DPP10: variants seen among roughly 807,000 people sequenced by gnomAD.
DPP10 encodes the protein dipeptidyl peptidase like 10, also known as inactive dipeptidyl peptidase 10.
DPP10 carries 33 observed loss-of-function variants against 120.9 expected under a neutral mutation model. The ratio of observed to expected loss-of-function variants is 0.27; its 90% CI spans 0.21 to 0.37. The LOEUF (loss-of-function observed/expected upper bound fraction) is 0.37. DPP10 is among the 10% of genes least tolerant of loss of function. The pLI, the probability that DPP10 is intolerant of heterozygous loss-of-function variation, is 1.00. For missense variants in DPP10, 816 were observed against 942.8 expected (o/e 0.87, Z 1.76); for synonymous variants, 337 against 326.1 (o/e 1.03, Z -0.36).
chr2:114,497,259 G>GCGTATGCATGTACA (rs1553450996), intron 1 of DPP10, among the ~76,000 whole-genome samples: 2 of 65,964 alleles, frequency 3.0e-5, no homozygotes, highest in African/African-American at 1.2e-4. Flanking sequence ...GCATGTACGT[G>GCGTATGCATGTACA]TGTATACATG....
At chr2:115,322,464 G>A (rs563798318) in intron 2 of DPP10, among the ~76,000 whole-genome samples, 1 of 152,186 alleles carries the variant, frequency 6.6e-6, no homozygotes, top group South Asian at 2.1e-4. Flanking sequence ...ACCTTTTCAG[G>A]TTAGCTCTGT....
chr2:115,730,009 T>C (rs1050757888), intron 8 of DPP10, among the ~76,000 whole-genome samples: 1 of 152,174 alleles, frequency 6.6e-6, no homozygotes, highest in African/African-American at 2.4e-5. Flanking sequence ...AAGCGAGGGA[T>C]AGTGACCTCT....
In DPP10 at chr2:115,840,318, G is replaced by GTTTTTTTT. The variant is rs1559227733; in HGVS notation, c.2183-432_2183-431insTTTTTTTT. On this transcript the variant is annotated intron_variant, in intron 24 of 25. Coordinates refer to ENST00000410059, the MANE Select transcript of DPP10 (RefSeq NM_020868.6). ...CCTAAAGCCAGATATAAGGTTTTTT[G>GTTTTTTTT]GTTTTTTTTTTTTTTTTTTTTTTGA... Among the ~76,000 whole-genome samples the GTTTTTTTT allele has an allele frequency of 2.9e-3, 93 of 31,876 alleles. 2 individuals are homozygous for GTTTTTTTT. Among genetic ancestry groups the GTTTTTTTT allele is most frequent in the African/African-American group, 8.5e-3 (87 of 10,222 alleles). 20.9% of individuals were successfully genotyped at this position (31,876 alleles called of 152,430 possible). A position where few individuals can be genotyped will look rare whatever the true frequency, so the allele number is the denominator to read the frequency against.
At chr2:115,104,140 C>A (rs1239767821) in intron 1 of DPP10, among the ~76,000 whole-genome samples, 1 of 140,646 alleles carries the variant, frequency 7.1e-6, no homozygotes, top group East Asian at 2.1e-4. Context: ...TTAAAATTTT[C>A]AGATTTTGGA....
chr2:114,709,415 C>G lies in DPP10; in HGVS notation c.60+266577C>G, dbSNP rs1700884940. 2.0e-5 allele frequency among the ~76,000 whole-genome samples: 3 copies of G among 152,154 alleles called. No homozygotes were observed. The South Asian group carries it at 6.2e-4, about 31-fold the overall frequency. ...TTTGGCTTGTCAACTTCTTAATTCC[C>G]TGTGTAAAAAATGCCCTTAAATTTC... On this transcript the variant is annotated intron_variant, in intron 1 of 25. Transcript: ENST00000410059.
intron 3 of DPP10, among the ~76,000 whole-genome samples, chr2:115,379,540 GTC>G (rs1265061327): frequency 6.6e-6 from 1 of 151,912 alleles, no homozygotes; most frequent in African/African-American, 2.4e-5. Flanking sequence ...GGTTTTTTGT[GTC>G]TCTATTTCCT....
At chr2:115,509,529 G>A (rs2077116975) in intron 4 of DPP10, among the ~76,000 whole-genome samples, 1 of 151,956 alleles carries the variant, frequency 6.6e-6, no homozygotes, top group Non-Finnish European at 1.5e-5. Context: ...CAGTATTTAG[G>A]GTGTCACATT....
intron 5 of DPP10, among the ~76,000 whole-genome samples, chr2:115,587,257 C>T (rs1367188134): frequency 6.6e-6 from 1 of 151,920 alleles, no homozygotes; most frequent in Non-Finnish European, 1.5e-5. Context: ...GCGACCACGC[C>T]CAGCTAATTT....
intron 21 of DPP10, among the ~76,000 whole-genome samples, chr2:115,834,739 T>C (rs1299184831): frequency 6.6e-6 from 1 of 152,186 alleles, no homozygotes; most frequent in Non-Finnish European, 1.5e-5. Flanking sequence ...AATTTTCTCC[T>C]TTACTCTTCA....
intron 5 of DPP10, among the ~76,000 whole-genome samples, chr2:115,659,751 A>C (rs2088746088): frequency 6.6e-6 from 1 of 152,286 alleles, no homozygotes; most frequent in East Asian, 1.9e-4. Flanking sequence ...TAGCATAAGG[A>C]GTTTAGTCAG....
chr2:115,061,717 C>A (rs1258097357), intron 1 of DPP10, among the ~76,000 whole-genome samples: 2 of 152,070 alleles, frequency 1.3e-5, no homozygotes, highest in Non-Finnish European at 2.9e-5. Flanking sequence ...TTCATTTACT[C>A]CTTCCAAAGA....
chr2:114,635,669 A>G (rs1695251247), intron 1 of DPP10, among the ~76,000 whole-genome samples: 1 of 151,918 alleles, frequency 6.6e-6, no homozygotes, highest in African/African-American at 2.4e-5. Flanking sequence ...AAGGCAGCAG[A>G]TCTCAAACTT....
chr2:114,486,298 GA>G (rs1006324724), intron 1 of DPP10, among the ~76,000 whole-genome samples: 17 of 149,324 alleles, frequency 1.1e-4, no homozygotes, highest in African/African-American at 3.0e-4. Flanking sequence ...GGGTCTTGTT[GA>G]AAAAAAAATT....
chr2:115,631,175 G>T (rs996378730), intron 5 of DPP10, among the ~76,000 whole-genome samples: 5 of 150,336 alleles, frequency 3.3e-5, no homozygotes, highest in Admixed American at 2.7e-4. Flanking sequence ...CCAGTAATTT[G>T]TCCATTTCTT....
chr2:115,238,379 C>T (rs1412888424), intron 1 of DPP10, among the ~76,000 whole-genome samples: 6 of 152,194 alleles, frequency 3.9e-5, no homozygotes, highest in Non-Finnish European at 7.3e-5. Flanking sequence ...AACAATGCAC[C>T]TGGTTACCCA....
chr2:114,973,620 C>T (rs1699541862), intron 1 of DPP10, among the ~76,000 whole-genome samples: 1 of 138,204 alleles, frequency 7.2e-6, no homozygotes, highest in African/African-American at 2.8e-5. Flanking sequence ...CGAGATCGAG[C>T]CACTGCACTC....
intron 1 of DPP10, among the ~76,000 whole-genome samples, chr2:115,060,322 G>GCAA (rs1209787610): frequency 9.9e-5 from 15 of 152,096 alleles, no homozygotes; most frequent in African/African-American, 3.4e-4. Flanking sequence ...CCCGTGGGCT[G>GCAA]TGACTTATGC....
At chr2:115,756,779 G>T (rs1441972320) in intron 11 of DPP10, among the ~76,000 whole-genome samples, 1 of 152,028 alleles carries the variant, frequency 6.6e-6, no homozygotes, top group Non-Finnish European at 1.5e-5. Context: ...GAAACTTATT[G>T]ACTCACAGTT....
intron 19 of DPP10, among the ~76,000 whole-genome samples, chr2:115,798,061 G>A (rs532556585): frequency 1.3e-5 from 2 of 151,872 alleles, no homozygotes; most frequent in Non-Finnish European, 2.9e-5. Context: ...AGAATTATAT[G>A]AATGATATAA....
Sources: allele counts gnomAD v4.1 joint callset (sites outside exome capture counted in the v4.1 genomes callset), GRCh38; gene constraint gnomAD v4.1.1; transcripts MANE v1.5; gene names NCBI Gene and HGNC (gene_info 2026-07-23, HGNC 2026-07-21).